The following CERK variants were observed in gnomAD, a reference collection of about 807,000 sequenced individuals.
CERK encodes the protein ceramide kinase, also known as acylsphingosine kinase.
A neutral mutation model predicts 63.4 loss-of-function variants in CERK; 39 were observed. The ratio of observed to expected loss-of-function variants is 0.61; its 90% CI spans 0.48 to 0.80. The LOEUF (loss-of-function observed/expected upper bound fraction) is 0.80. Among genes scored for constraint, CERK ranks in the 30% least tolerant of loss-of-function variants. The pLI, the probability that CERK is intolerant of heterozygous loss-of-function variation, is 0.00. For missense variants in CERK, 670 were observed against 714.1 expected (o/e 0.94, Z 0.70); for synonymous variants, 302 against 280.0 (o/e 1.08, Z -0.78).
chr22:46,738,110 C>T lies in CERK; in HGVS notation c.39G>A (p.Val13=), dbSNP rs1026182438. Residue 13 remains valine (V), a synonymous_variant, in exon 1 of 13, where the codon GTG becomes GTA. Transcript: ENST00000216264. The part of the protein sequence containing the change: ...ATGAAEPLQS[V]LWVKQQRCAV... The stretch of plus-strand genomic sequence containing the variant: ...CGCAGCGCTGCTGCTTCACCCACAG[C>T]ACGGATTGCAGCGGCTCCGCCGCCC... The T allele has an allele frequency of 7.3e-5, 93 of 1,274,316 alleles. No homozygotes were observed. Among genetic ancestry groups the T allele is most frequent in the Non-Finnish European group, 9.2e-5 (92 of 1,002,398 alleles). 78.9% of individuals were successfully genotyped at this position (1,274,316 alleles called of 1,614,324 possible).
chr22:46,715,159 C>G (rs1246421182), intron 3 of CERK, among the ~76,000 whole-genome samples: 1 of 152,156 alleles, frequency 6.6e-6, no homozygotes, highest in African/African-American at 2.4e-5. Context: ...AAACATCATT[C>G]TTAATGGTGA....
At position 46,710,481 on chromosome 22, in the gene CERK, A is replaced by T. The variant is rs1180629922; in HGVS notation, c.569+605T>A. On this transcript the variant is annotated intron_variant, in intron 5 of 12. Coordinates refer to ENST00000216264, the MANE Select transcript of CERK (RefSeq NM_022766.6). ...AGTTAATAGAATCTCTTTCGAAAGCAATATGGCTGTACACGGCAGAGATTT... is the reference window on the plus strand; with the variant it reads ...AGTTAATAGAATCTCTTTCGAAAGCTATATGGCTGTACACGGCAGAGATTT... Among the ~76,000 whole-genome samples, 3 of 152,188 alleles carry T rather than the reference A, an allele frequency of 2.0e-5. No individual in the cohort carries two copies. In the East Asian group the frequency reaches 5.8e-4, roughly 29 times the overall value.
At chr22:46,721,817 C>T (rs2082894159) in intron 1 of CERK, among the ~76,000 whole-genome samples, 1 of 152,132 alleles carries the variant, frequency 6.6e-6, no homozygotes, top group Admixed American at 6.6e-5. Context: ...CTTCCAGGGG[C>T]CCAGGGGATG....
chr22:46,708,497 C>G (rs1022007539), intron 5 of CERK, among the ~76,000 whole-genome samples: 1 of 152,232 alleles, frequency 6.6e-6, no homozygotes, highest in African/African-American at 2.4e-5. Context: ...CTAGCTCAGG[C>G]AGCAAATCAC....
chr22:46,703,642 C>G (rs1329932799), intron 6 of CERK, among the ~76,000 whole-genome samples: 1 of 152,206 alleles, frequency 6.6e-6, no homozygotes, highest in Non-Finnish European at 1.5e-5. Flanking sequence ...CACAGCCCCC[C>G]ACCAGCTACA....
intron 8 of CERK, among the ~76,000 whole-genome samples, chr22:46,696,933 C>T (rs943449565): frequency 6.6e-6 from 1 of 152,332 alleles, no homozygotes; most frequent in South Asian, 2.1e-4. Flanking sequence ...CTAGGCAGAG[C>T]CACACTGGGC....
At chr22:46,718,536 G>C (rs1033720964) in intron 3 of CERK, among the ~76,000 whole-genome samples, 3 of 152,198 alleles carry the variant, frequency 2.0e-5, no homozygotes, top group Non-Finnish European at 2.9e-5. Context: ...GGTGGTGGAG[G>C]CCAAGTCCCC....
intron 1 of CERK, among the ~76,000 whole-genome samples, chr22:46,730,103 A>G (rs908228445): frequency 2.6e-5 from 4 of 152,116 alleles, no homozygotes; most frequent in Non-Finnish European, 4.4e-5. Flanking sequence ...TCACTGAGAC[A>G]CAGTTGAACA....
At chr22:46,736,247 G>T (rs569250031) in intron 1 of CERK, among the ~76,000 whole-genome samples, 8 of 152,408 alleles carry the variant, frequency 5.2e-5, no homozygotes, top group African/African-American at 1.7e-4. Flanking sequence ...TGGGGGACCA[G>T]AAACCATAAT....
At chr22:46,720,847 T>C (rs1412561373) in intron 2 of CERK, 55 bp downstream of exon 2, 4 of 1,084,886 alleles carry the variant, frequency 3.7e-6, no homozygotes, top group Non-Finnish European at 5.7e-6. Context: ...TTCCCTCTCG[T>C]GTAATCTACA....
intron 1 of CERK, among the ~76,000 whole-genome samples, chr22:46,735,672 C>T (rs989431132): frequency 6.6e-6 from 1 of 152,198 alleles, no homozygotes; most frequent in African/African-American, 2.4e-5. Flanking sequence ...CAATTCTCCA[C>T]CTCTCATCAT....
chr22:46,722,793 G>T (rs764028782), intron 1 of CERK, among the ~76,000 whole-genome samples: 6 of 152,128 alleles, frequency 3.9e-5, no homozygotes, highest in Non-Finnish European at 8.8e-5. Context: ...CCGTGCCAGG[G>T]GTGCCAGCAC....
chr22:46,689,315 T>C (rs576111665), intron 12 of CERK, among the ~76,000 whole-genome samples: 197 of 152,366 alleles, frequency 1.3e-3, no homozygotes, highest in Middle Eastern at 3.4e-3. Context: ...AGGCCAGCGG[T>C]TCCCTGGTGG....
intron 6 of CERK, among the ~76,000 whole-genome samples, chr22:46,702,223 A>ATATG (rs1555984593): frequency 9.0e-4 from 76 of 84,780 alleles, no homozygotes; most frequent in East Asian, 2.8e-3. Flanking sequence ...AAATATATAT[A>ATATG]TGTGTGTGTG....
At chr22:46,709,341 A>C (rs2082829081) in intron 5 of CERK, among the ~76,000 whole-genome samples, 1 of 152,192 alleles carries the variant, frequency 6.6e-6, no homozygotes, top group Admixed American at 6.5e-5. Flanking sequence ...ATCCCTGCTG[A>C]AAAGTGAAGA....
chr22:46,720,226 T>C lies in CERK; in HGVS notation c.257-18A>G, dbSNP rs770885335. 1.1e-4 allele frequency: 170 copies of C among 1,599,158 alleles called. No homozygotes were observed. The highest frequency in any genetic ancestry group is 3.4e-4 in the Admixed American group (20 of 58,984). ...ACAGTGAACTGCACAGAAGCAAGCA[T>C]GCTCGTTAGTGCAAAGTTTGCAGGG... On this transcript the variant is annotated intron_variant, in intron 2 of 12. Coordinates refer to ENST00000216264, the MANE Select transcript of CERK (RefSeq NM_022766.6).
At position 46,685,908 on chromosome 22, in the gene CERK, C is replaced by T. The variant is rs2082698000; in HGVS notation, c.*1226G>A. 1.3e-5 allele frequency: 2 copies of T among 152,226 alleles called. No individual in the cohort carries two copies. The highest frequency in any genetic ancestry group is 4.1e-4 in the South Asian group (2 of 4,832). 9.4% of individuals were successfully genotyped at this position (152,226 alleles called of 1,614,324 possible). On this transcript the variant is annotated 3_prime_UTR_variant, in exon 13 of 13. Coordinates refer to ENST00000216264, the MANE Select transcript of CERK (RefSeq NM_022766.6). ...TGCTCCAAACGGCCACGGCCCCGCT[C>T]CTTACAGATCAAAGTTTAAGCCGCA...
chr22:46,691,834 T>C (rs1394013730), intron 10 of CERK, 57 bp from the exon 11 acceptor site: 3 of 1,488,522 alleles, frequency 2.0e-6, no homozygotes, highest in Non-Finnish European at 2.8e-6. Context: ...GGCAGCGCCC[T>C]GCACCAGGAC....
intron 7 of CERK, among the ~76,000 whole-genome samples, chr22:46,701,417 A>G (rs1261184595): frequency 6.6e-6 from 1 of 152,258 alleles, no homozygotes; most frequent in Non-Finnish European, 1.5e-5. Context: ...CTCGGCCCAC[A>G]CTGGGCGTGC....
Sources: gnomAD v4.1 joint callset for allele counts (sites outside exome capture counted in the v4.1 genomes callset) on GRCh38, gnomAD v4.1.1 for gene constraint, MANE v1.5 for transcripts, NCBI Gene and HGNC (gene_info 2026-07-23, HGNC 2026-07-21) for gene names.